STK32A: variants seen among roughly 807,000 people sequenced by gnomAD.
STK32A encodes the protein serine/threonine-protein kinase 32A.
Under a neutral mutation model 53.2 loss-of-function variants are expected in STK32A, and 41 were observed. That is an observed-to-expected ratio of 0.77 (90% confidence interval 0.60 to 1.00). The LOEUF (loss-of-function observed/expected upper bound fraction) is 1.00. Ranked by LOEUF, STK32A falls within the 50% of genes least tolerant of loss-of-function variation. STK32A has a pLI of 0.00. For synonymous variants in STK32A, 166 were observed against 162.8 expected (o/e 1.02, Z -0.15); for missense variants, 458 against 485.8 (o/e 0.94, Z 0.54).
At chr5:147,370,518 G>A (rs1010278186) in intron 8 of STK32A, 136 bp from the exon 9 acceptor site, 11 of 493,530 alleles carry the variant, frequency 2.2e-5, no homozygotes, top group Non-Finnish European at 3.6e-5. Context: ...ATATGGCAAC[G>A]CAAGAGTCAG....
chr5:147,246,139 A>C (rs1753760830), intron 2 of STK32A, among the ~76,000 whole-genome samples: 1 of 152,224 alleles, frequency 6.6e-6, no homozygotes, highest in Non-Finnish European at 1.5e-5. Context: ...GAAAAGTTAA[A>C]GGAAAATTTC....
intron 8 of STK32A, among the ~76,000 whole-genome samples, chr5:147,362,379 G>A (rs1041595344): frequency 1.3e-5 from 2 of 152,146 alleles, no homozygotes; most frequent in Non-Finnish European, 2.9e-5. Context: ...GCAGATAGCA[G>A]CCTTTTTTCT....
chr5:147,270,504 G>A (rs895108934), intron 2 of STK32A, among the ~76,000 whole-genome samples: 2 of 152,146 alleles, frequency 1.3e-5, no homozygotes, highest in African/African-American at 4.8e-5. Context: ...ATGAACCACT[G>A]AGCCTGGCTT....
chr5:147,370,283 C>A (rs1756951870), intron 8 of STK32A, among the ~76,000 whole-genome samples: 1 of 152,102 alleles, frequency 6.6e-6, no homozygotes, highest in African/African-American at 2.4e-5. Context: ...TTTTAGACTT[C>A]CATTTATTGA....
intron 4 of STK32A, among the ~76,000 whole-genome samples, chr5:147,320,401 C>T (rs1017679792): frequency 6.6e-6 from 1 of 151,938 alleles, no homozygotes; most frequent in Non-Finnish European, 1.5e-5. Flanking sequence ...TACATAAGAC[C>T]CACCCAAAGC....
intron 1 of STK32A, 117 bp from the exon 2 acceptor site, chr5:147,239,422 A>G: frequency 2.3e-6 from 1 of 441,960 alleles, no homozygotes; most frequent in Non-Finnish European, 4.1e-6. Context: ...TTGGTTTTCA[A>G]ACACAAAAGT....
chr5:147,360,383 C>T (rs1395101841), intron 7 of STK32A, among the ~76,000 whole-genome samples: 4 of 134,108 alleles, frequency 3.0e-5, no homozygotes, highest in Non-Finnish European at 4.6e-5. Flanking sequence ...TCTGGGAGGT[C>T]GAGGCTGCAG....
intron 11 of STK32A, 184 bp downstream of exon 11, chr5:147,375,402 C>T: frequency 1.7e-6 from 1 of 580,972 alleles, no homozygotes; most frequent in Non-Finnish European, 2.8e-6. Context: ...CTAGCAGCAA[C>T]ATTTTACTTG....
chr5:147,384,271 C>G lies in STK32A; in HGVS notation c.*288C>G. On this transcript the variant is annotated 3_prime_UTR_variant, in exon 13 of 13. Transcript: ENST00000397936. ...AGGGTTATACTAGACGAGCCATACC[C>G]TGCCTTTTTAGTGCTATAGTTGTTA... 7.4e-7 allele frequency: 1 copy of G among 1,346,340 alleles called. No individual in the cohort carries two copies. The highest frequency in any genetic ancestry group is 9.8e-7 in the Non-Finnish European group (1 of 1,020,970). The allele number at this position is 1,346,340 out of a possible 1,614,324, so 83.4% of individuals were successfully genotyped here.
At chr5:147,265,814 C>A (rs987856390) in intron 2 of STK32A, among the ~76,000 whole-genome samples, 4 of 152,098 alleles carry the variant, frequency 2.6e-5, no homozygotes, top group African/African-American at 9.7e-5. Flanking sequence ...GTAAGTGAGC[C>A]TTTCTTTGTA....
chr5:147,321,284 A>G (rs1000903963), intron 4 of STK32A, among the ~76,000 whole-genome samples: 1 of 152,226 alleles, frequency 6.6e-6, no homozygotes, highest in African/African-American at 2.4e-5. Flanking sequence ...CATTTTAAAA[A>G]ATCAGATGAT....
intron 6 of STK32A, among the ~76,000 whole-genome samples, chr5:147,346,127 C>T (rs1232451517): frequency 6.6e-6 from 1 of 152,132 alleles, no homozygotes; most frequent in Non-Finnish European, 1.5e-5. Flanking sequence ...TGTTGTTCAC[C>T]TCTCCCCAGC....
At chr5:147,313,691 C>T (rs913912643) in intron 4 of STK32A, among the ~76,000 whole-genome samples, 1 of 152,130 alleles carries the variant, frequency 6.6e-6, no homozygotes, top group African/African-American at 2.4e-5. Context: ...TGTTATGAAG[C>T]TACAATAATC....
intron 11 of STK32A, among the ~76,000 whole-genome samples, chr5:147,377,787 C>T (rs1158654080): frequency 6.6e-6 from 1 of 152,016 alleles, no homozygotes; most frequent in Non-Finnish European, 1.5e-5. Flanking sequence ...TTCCAGTAAA[C>T]CTTTGAGTGC....
intron 4 of STK32A, among the ~76,000 whole-genome samples, chr5:147,306,675 C>T (rs968263346): frequency 4.6e-5 from 7 of 151,842 alleles, no homozygotes; most frequent in Non-Finnish European, 7.4e-5. Flanking sequence ...TGCTTGCTTA[C>T]ATATAAAGGT....
chr5:147,300,529 G>T (rs545085897), intron 4 of STK32A, among the ~76,000 whole-genome samples: 2 of 152,340 alleles, frequency 1.3e-5, no homozygotes, highest in East Asian at 3.9e-4. Flanking sequence ...CTACCGCACA[G>T]TAAGTGCTCG....
the STK32A span, chr5:147,400,574 C>G: frequency 7.4e-7 from 1 of 1,356,828 alleles, no homozygotes; most frequent in East Asian, 2.3e-5. Context: ...GACATCTCAG[C>G]AAGTACGAGA....
chr5:147,381,152 T>C (rs1757436424), intron 11 of STK32A, among the ~76,000 whole-genome samples: 1 of 152,200 alleles, frequency 6.6e-6, no homozygotes, highest in South Asian at 2.1e-4. Flanking sequence ...CTCTCACTTT[T>C]CAAGAACAGT....
intron 11 of STK32A, among the ~76,000 whole-genome samples, chr5:147,382,436 G>A (rs1390578296): frequency 1.3e-5 from 2 of 151,520 alleles, no homozygotes; most frequent in Non-Finnish European, 2.9e-5. Flanking sequence ...TCTTTTTAAG[G>A]GATAGGTTTT....
Sources: gnomAD v4.1 joint callset for allele counts (sites outside exome capture counted in the v4.1 genomes callset) on GRCh38, gnomAD v4.1.1 for gene constraint, MANE v1.5 for transcripts, NCBI Gene and HGNC (gene_info 2026-07-23, HGNC 2026-07-21) for gene names.